BCAS3: variants seen among roughly 807,000 people sequenced by gnomAD.
BCAS3 encodes BCAS4/BCAS3 fusion.
A neutral mutation model predicts 116.1 loss-of-function variants in BCAS3; 53 were observed. The ratio of observed to expected loss-of-function variants is 0.46; its 90% CI spans 0.37 to 0.57. The LOEUF (loss-of-function observed/expected upper bound fraction) is 0.57. BCAS3 is among the 20% of genes least tolerant of loss of function. The probability of loss-of-function intolerance (pLI) is 0.00; values close to 1 mark genes in which losing one functional copy is unlikely to be tolerated. For synonymous variants in BCAS3, 391 were observed against 408.2 expected, an observed-to-expected ratio of 0.96 and a Z score of 0.51; for missense variants, 917 against 1,165.4, an observed-to-expected ratio of 0.79 and a Z score of 3.10.
chr17:61,257,274 G>A (rs984126273), intron 22 of BCAS3, among the ~76,000 whole-genome samples: 2 of 151,996 alleles, frequency 1.3e-5, no homozygotes, highest in African/African-American at 4.8e-5. Context: ...ACAAAAATTA[G>A]CTGGGTGTGG....
intron 6 of BCAS3, among the ~76,000 whole-genome samples, chr17:60,792,703 C>T (rs890575812): frequency 1.3e-5 from 2 of 152,094 alleles, no homozygotes; most frequent in African/African-American, 4.8e-5. Context: ...CCTCCCCAGC[C>T]GTTTGGCATG....
intron 22 of BCAS3, among the ~76,000 whole-genome samples, chr17:61,236,129 T>C (rs2083039202): frequency 1.3e-5 from 2 of 152,142 alleles, no homozygotes. Flanking sequence ...GTTTAACTCC[T>C]TGGGTGCAAA....
At chr17:60,938,802 A>G (rs2060079515) in intron 13 of BCAS3, among the ~76,000 whole-genome samples, 2 of 152,192 alleles carry the variant, frequency 1.3e-5, no homozygotes, top group East Asian at 3.8e-4. Flanking sequence ...ATTTTAAACA[A>G]TCATGTCACA....
chr17:61,344,310 G>C lies in BCAS3; in HGVS notation c.2426-24017G>C, dbSNP rs1767452029. Among the ~76,000 whole-genome samples, 1 of 151,940 alleles carries C rather than the reference G, an allele frequency of 6.6e-6. No individual in the cohort carries two copies. The highest frequency in any genetic ancestry group is 6.6e-5 in the Admixed American group (1 of 15,250). Reference sequence around the variant, plus strand: ...TACCAGTTGCTTCTCTTTTGTCAGAGACATGGGCCTCTTCAACCAAGTCTC... The same window carrying C: ...TACCAGTTGCTTCTCTTTTGTCAGACACATGGGCCTCTTCAACCAAGTCTC... On this transcript the variant is annotated intron_variant, in intron 22 of 23. Coordinates refer to ENST00000407086, the MANE Select transcript of BCAS3 (RefSeq NM_017679.5). This position sits in a 1 kb window ranked among gnomAD's most constrained non-coding sequence, Gnocchi z 4.1.
rs2081272906 is a variant in BCAS3 at position 61,208,449 on chromosome 17, T to TA, written c.2425+123891dup. On this transcript the variant is annotated intron_variant, in intron 22 of 23. Transcript: ENST00000407086. The surrounding 1 kb of genome is among the most constrained non-coding windows in gnomAD (Gnocchi z 4.5). ...AATGAAATGTGCTAGTAAGTGTCGT[T>TA]AAAAAACTGAGAGTTTTTCTTCTGT... is the stretch of plus-strand genomic sequence containing the variant. Among the ~76,000 whole-genome samples the TA allele has an allele frequency of 1.3e-5, 2 of 152,286 alleles. No homozygotes were observed. Among genetic ancestry groups the TA allele is most frequent in the South Asian group, 4.2e-4 (2 of 4,818 alleles).
rs2075633873 is a variant in BCAS3 at position 61,118,857 on chromosome 17, G to GT, written c.2425+34299dup. On this transcript the variant is annotated intron_variant, in intron 22 of 23. Coordinates refer to ENST00000407086, the MANE Select transcript of BCAS3 (RefSeq NM_017679.5). The surrounding 1 kb of genome is among the most constrained non-coding windows in gnomAD (Gnocchi z 5.0). ...GGTGCTGATATTTGAAATAGATATT[G>GT]TTTTTTGCCTAATCTGGTTTTTTTT... Among the ~76,000 whole-genome samples the GT allele has an allele frequency of 6.6e-6, 1 of 151,742 alleles. No homozygotes were observed. The highest frequency in any genetic ancestry group is 6.6e-5 in the Admixed American group (1 of 15,240).
Position 61,377,585 on chromosome 17 carries a change from C to A in BCAS3, c.2593+9091C>A, listed in dbSNP as rs960706597. On this transcript the variant is annotated intron_variant, in intron 23 of 23. Coordinates refer to ENST00000407086, the MANE Select transcript of BCAS3 (RefSeq NM_017679.5). The surrounding 1 kb of genome is among the most constrained non-coding windows in gnomAD (Gnocchi z 4.6). ...GGGCAAGTGCCTTTCCCTCTCTGGG[C>A]CAGTTTCTTCCTCTGTGACACAGTG... 6.6e-6 allele frequency among the ~76,000 whole-genome samples: 1 copy of A among 152,182 alleles called. No homozygotes were observed. Among genetic ancestry groups the A allele is most frequent in the Non-Finnish European group, 1.5e-5 (1 of 68,036 alleles).
intron 10 of BCAS3, among the ~76,000 whole-genome samples, chr17:60,896,417 C>T (rs2057512668): frequency 6.6e-6 from 1 of 152,190 alleles, no homozygotes. Context: ...TTTGAAGTCC[C>T]CCACTATTAC....
At chr17:61,335,293 C>T (rs1298350070) in intron 22 of BCAS3, among the ~76,000 whole-genome samples, 1 of 152,210 alleles carries the variant, frequency 6.6e-6, no homozygotes, top group Non-Finnish European at 1.5e-5. Context: ...CTGAATCGTC[C>T]TTTCCAGGGC....
intron 7 of BCAS3, among the ~76,000 whole-genome samples, chr17:60,843,466 G>A (rs1293995764): frequency 2.6e-5 from 4 of 151,998 alleles, no homozygotes; most frequent in Non-Finnish European, 4.4e-5. Context: ...TGATCCACCC[G>A]ACTCGGCCTC....
At chr17:60,896,262 T>C (rs1004585644) in intron 10 of BCAS3, among the ~76,000 whole-genome samples, 15 of 152,082 alleles carry the variant, frequency 9.9e-5, no homozygotes, top group African/African-American at 3.6e-4. Context: ...GAGGTGGAGG[T>C]TGTGGTGAGC....
At chr17:60,986,668 G>C (rs914035510) in intron 14 of BCAS3, among the ~76,000 whole-genome samples, 3 of 152,020 alleles carry the variant, frequency 2.0e-5, no homozygotes, top group Admixed American at 6.5e-5. Flanking sequence ...CATATCTTTT[G>C]CCCATTTTAA....
At position 60,822,819 on chromosome 17, in the gene BCAS3, A is replaced by G. The variant is rs894322118; in HGVS notation, c.476+14743A>G. 3.4e-4 allele frequency among the ~76,000 whole-genome samples: 52 copies of G among 152,222 alleles called. 1 individual carries two copies. Among genetic ancestry groups the G allele is most frequent in the Admixed American group, 6.5e-5 (1 of 15,280 alleles). ...TTTAACCAATAACATGTCAGTAGACATACCAGAAATGCAAGCTTGATAAAT... is the reference window on the plus strand; with the variant it reads ...TTTAACCAATAACATGTCAGTAGACGTACCAGAAATGCAAGCTTGATAAAT... On this transcript the variant is annotated intron_variant, in intron 7 of 23. Transcript: ENST00000407086.
At chr17:60,906,496 C>A (rs1342791275) in intron 11 of BCAS3, among the ~76,000 whole-genome samples, 1 of 152,134 alleles carries the variant, frequency 6.6e-6, no homozygotes, top group African/African-American at 2.4e-5. Context: ...CTTTGACTCT[C>A]ATAGATGATT....
At chr17:60,766,118 C>T (rs8071915) in intron 6 of BCAS3, among the ~76,000 whole-genome samples, 41,701 of 152,034 alleles carry the variant, frequency 0.27, 11,434 homozygotes, top group African/African-American at 0.71. Context: ...AGCTTCCTTG[C>T]GATGGGTTCG....
chr17:60,948,694 C>T (rs1032394437), intron 14 of BCAS3, among the ~76,000 whole-genome samples: 31 of 152,066 alleles, frequency 2.0e-4, no homozygotes, highest in African/African-American at 5.1e-4. Flanking sequence ...AGAACTTAAA[C>T]GCTAATAGTT....
At chr17:60,767,354 T>C (rs2044216070) in intron 6 of BCAS3, among the ~76,000 whole-genome samples, 1 of 147,450 alleles carries the variant, frequency 6.8e-6, no homozygotes. Flanking sequence ...TTTTTTTTTT[T>C]TTTTTTTTGA....
chr17:60,889,838 TAC>T, intron 10 of BCAS3, 67 bp downstream of exon 10: 1 of 1,387,898 alleles, frequency 7.2e-7, no homozygotes, highest in Non-Finnish European at 1.0e-6. Flanking sequence ...CCATAAAAAA[TAC>T]CTGTGCTCCA....
At chr17:60,757,280 A>C (rs545866112) in intron 6 of BCAS3, among the ~76,000 whole-genome samples, 3 of 151,896 alleles carry the variant, frequency 2.0e-5, no homozygotes, top group Non-Finnish European at 2.9e-5. Context: ...GCACCACTGC[A>C]TTCCAGCCTG....
Sources: allele counts gnomAD v4.1 joint callset (sites outside exome capture counted in the v4.1 genomes callset), GRCh38; gene constraint gnomAD v4.1.1; non-coding constraint Gnocchi (gnomAD v3.1); transcripts MANE v1.5; gene names NCBI Gene and HGNC (gene_info 2026-07-23, HGNC 2026-07-21).